Variants in ADA observed in about 807,000 individuals in gnomAD.
ADA encodes the protein adenosine aminohydrolase.
Under a neutral mutation model 49.0 loss-of-function variants are expected in ADA, and 45 were observed. The observed-to-expected ratio is 0.92, with a 90% confidence interval of 0.72 to 1.18. ADA has a LOEUF of 1.18. Ranked by LOEUF, ADA falls within the 50% of genes most tolerant of loss-of-function variation. The pLI, the probability that ADA is intolerant of heterozygous loss-of-function variation, is 0.00. For synonymous variants in ADA, 173 were observed against 184.2 expected (o/e 0.94, Z 0.49); for missense variants, 445 against 472.5 (o/e 0.94, Z 0.54).
chr20:44,638,268 A>C (rs758187981), intron 1 of ADA, among the ~76,000 whole-genome samples: 14 of 152,186 alleles, frequency 9.2e-5, no homozygotes, highest in Non-Finnish European at 1.8e-4. Context: ...CAAATGCTAA[A>C]TAGTTGTCAA....
chr20:44,635,697 G>C (rs552956345), intron 2 of ADA, among the ~76,000 whole-genome samples: 3 of 152,134 alleles, frequency 2.0e-5, no homozygotes, highest in Non-Finnish European at 4.4e-5. Flanking sequence ...TCAGGAGTTC[G>C]AGACCAGCCT....
chr20:44,641,125 G>A (rs2065529449), intron 1 of ADA, among the ~76,000 whole-genome samples: 2 of 152,170 alleles, frequency 1.3e-5, no homozygotes. Flanking sequence ...TGTCCGTCGG[G>A]CTAAAAGCGC....
In ADA at chr20:44,619,806, AGGGTGAAGGCTTGGAGGAGT is replaced by A; in HGVS notation, c.*8_*27del. On this transcript the variant is annotated 3_prime_UTR_variant, in exon 12 of 12. Transcript: ENST00000372874. ...CCCCACAGAGTTGGGGTGACTCCAC[AGGGTGAAGGCTTGGAGGAGT>A]GGCGTCTTCAGAGGTTCTGCCCTGC... is the stretch of plus-strand genomic sequence containing the variant. 1 of 1,614,150 alleles carries A rather than the reference AGGGTGAAGGCTTGGAGGAGT, an allele frequency of 6.2e-7. No homozygotes were observed. The highest frequency in any genetic ancestry group is 8.5e-7 in the Non-Finnish European group (1 of 1,179,982).
intron 1 of ADA, among the ~76,000 whole-genome samples, chr20:44,651,351 C>T (rs1395437078): frequency 6.6e-6 from 1 of 152,244 alleles, no homozygotes; most frequent in East Asian, 1.9e-4. Flanking sequence ...GGGGTCAAGT[C>T]AGGGGCAGAA....
chr20:44,645,322 C>T (rs888270896), intron 1 of ADA, among the ~76,000 whole-genome samples: 3 of 146,250 alleles, frequency 2.1e-5, no homozygotes, highest in African/African-American at 7.7e-5. Context: ...CGTGCCACTG[C>T]ACTCCAGCTT....
At chr20:44,635,036 C>T (rs866065692) in intron 2 of ADA, among the ~76,000 whole-genome samples, 6 of 152,220 alleles carry the variant, frequency 3.9e-5, no homozygotes, top group Non-Finnish European at 7.3e-5. Context: ...TAGGGAGGGC[C>T]TGTTCTTAGC....
Position 44,629,103 on chromosome 20 carries a change from C to T in ADA, c.162G>A (p.Lys54=), listed in dbSNP as rs45557242. ...EGLLNVIGMD[K]PLTLPDFLAK... is the part of the protein sequence containing the mutation. ...CCAGGAAGTCTGGAAGGGTGAGCGGCTTGTCCATGCCAATGACGTTCAGCA... is the reference window on the plus strand; with the variant it reads ...CCAGGAAGTCTGGAAGGGTGAGCGGTTTGTCCATGCCAATGACGTTCAGCA... Residue 54 remains lysine, a synonymous_variant, in exon 3 of 12, where the codon AAG becomes AAA. Transcript: ENST00000372874. The T allele has an allele frequency of 3.5e-3, 5,581 of 1,614,236 alleles. 14 individuals carry two copies. Among genetic ancestry groups the T allele is most frequent in the Non-Finnish European group, 3.9e-3 (4,581 of 1,180,042 alleles).
At chr20:44,620,441 AC>A (rs752394181) in intron 10 of ADA, 40 bp from the exon 11 acceptor site, 5 of 1,547,384 alleles carry the variant, frequency 3.2e-6, no homozygotes, top group Non-Finnish European at 4.5e-6. Flanking sequence ...GAACCAGAGA[AC>A]AAAGAAGGCA....
chr20:44,651,671 G>GTGGCCGCTCGGCTTTCCC lies in ADA; in HGVS notation c.-82_-65dup. 6.9e-7 allele frequency: 1 copy of GTGGCCGCTCGGCTTTCCC among 1,452,160 alleles called. No homozygotes were observed. The highest frequency in any genetic ancestry group is 2.5e-5 in the Admixed American group (1 of 39,494). The allele number at this position is 1,452,160 out of a possible 1,614,324, so 90.0% of individuals were successfully genotyped here. ...CGCTCGGTGGGTCTCTGCCGGCTCG[G>GTGGCCGCTCGGCTTTCCC]TGGCCGCTCGGCTTTCCCTGGGGCC... On this transcript the variant is annotated 5_prime_UTR_variant, in exon 1 of 12. Coordinates refer to ENST00000372874, the MANE Select transcript of ADA (RefSeq NM_000022.4).
At chr20:44,646,395 A>G (rs2145358003) in intron 1 of ADA, among the ~76,000 whole-genome samples, 1 of 152,296 alleles carries the variant, frequency 6.6e-6, no homozygotes, top group East Asian at 1.9e-4. Flanking sequence ...GGCTCTGGTA[A>G]CTGAAAGCCA....
intron 1 of ADA, among the ~76,000 whole-genome samples, chr20:44,645,106 G>T (rs1378425496): frequency 6.6e-6 from 1 of 152,184 alleles, no homozygotes; most frequent in Non-Finnish European, 1.5e-5. Context: ...ACAGGGGCCA[G>T]GTGCGGTGGC....
chr20:44,621,064 A>C lies in ADA; in HGVS notation c.929T>G (p.Met310Arg). ...FKSTLDTDYQMTKRDMGFTEE... is the reference protein window; with the variant it reads ...FKSTLDTDYQRTKRDMGFTEE... ...AGTAAAGCCCATGTCCCGTTTGGTCATCTGGTAATCAGTGTCCAGGGTGGA... is the reference window on the plus strand; with the variant it reads ...AGTAAAGCCCATGTCCCGTTTGGTCCTCTGGTAATCAGTGTCCAGGGTGGA... Residue 310 changes from methionine (M) to arginine (R), a missense_variant, in exon 10 of 12, where the codon ATG becomes AGG. Coordinates refer to ENST00000372874, the MANE Select transcript of ADA (RefSeq NM_000022.4). The C allele has an allele frequency of 6.2e-7, 1 of 1,614,200 alleles. No individual in the cohort carries two copies. Among genetic ancestry groups the C allele is most frequent in the Non-Finnish European group, 8.5e-7 (1 of 1,180,040 alleles).
At position 44,628,535 on chromosome 20, in the gene ADA, A is replaced by G. The variant is rs559227373; in HGVS notation, c.218+512T>C. ...AGTGAGACTCTGTCTCAATAAATAA[A>G]TAAATAAATAAATAAATAAATAAAT... On this transcript the variant is annotated intron_variant, in intron 3 of 11. Coordinates refer to ENST00000372874, the MANE Select transcript of ADA (RefSeq NM_000022.4). 5.3e-5 allele frequency among the ~76,000 whole-genome samples: 8 copies of G among 151,534 alleles called. No homozygotes were observed. In the South Asian group the frequency reaches 1.2e-3, roughly 24 times the overall value.
At chr20:44,634,679 G>A (rs2065463632) in intron 2 of ADA, among the ~76,000 whole-genome samples, 1 of 152,248 alleles carries the variant, frequency 6.6e-6, no homozygotes, top group Non-Finnish European at 1.5e-5. Flanking sequence ...TAAATCAATG[G>A]CAGCTTCCTG....
rs531498322 is a variant in ADA at position 44,620,100 on chromosome 20, G to T, written c.1078+199C>A. On this transcript the variant is annotated intron_variant, in intron 11 of 11. Transcript: ENST00000372874. ...CTGGGCTTCAGAAAGTCTCCCCTTAGAACAGCCTCTCAAGAACTTTTATAG... is the reference window on the plus strand; with the variant it reads ...CTGGGCTTCAGAAAGTCTCCCCTTATAACAGCCTCTCAAGAACTTTTATAG... 2.6e-3 allele frequency among the ~76,000 whole-genome samples: 394 copies of T among 152,314 alleles called. 2 individuals carry two copies. The highest frequency in any genetic ancestry group is 3.8e-3 in the Non-Finnish European group (259 of 68,028).
intron 1 of ADA, among the ~76,000 whole-genome samples, chr20:44,641,331 G>A (rs373615543): frequency 9.2e-5 from 14 of 152,254 alleles, no homozygotes; most frequent in East Asian, 1.9e-4. Context: ...TAGAGGAACC[G>A]TTCTAGAGGC....
intron 4 of ADA, 88 bp from the exon 5 acceptor site, chr20:44,625,772 G>A: frequency 8.7e-7 from 1 of 1,153,070 alleles, no homozygotes; most frequent in Non-Finnish European, 1.3e-6. Flanking sequence ...AGGAAGAGGA[G>A]GCTTTGGGGA....
intron 10 of ADA, 41 bp downstream of exon 10, chr20:44,620,977 C>A: frequency 6.2e-7 from 1 of 1,612,894 alleles, no homozygotes; most frequent in Non-Finnish European, 8.5e-7. Flanking sequence ...TACCATACTC[C>A]CAAACCCGAG....
intron 11 of ADA, 138 bp downstream of exon 11, chr20:44,620,161 C>T (rs1274843655): frequency 2.3e-6 from 2 of 852,750 alleles, no homozygotes; most frequent in East Asian, 2.4e-5. Flanking sequence ...TGCTCCCAGC[C>T]AGGGCCCAGA....
Sources: allele counts gnomAD v4.1 joint callset (sites outside exome capture counted in the v4.1 genomes callset), GRCh38; gene constraint gnomAD v4.1.1; transcripts MANE v1.5; gene names NCBI Gene and HGNC (gene_info 2026-07-23, HGNC 2026-07-21).